FILIP1L: variants seen among roughly 807,000 people sequenced by gnomAD.
The protein encoded by FILIP1L is filamin A-interacting protein 1-like.
In FILIP1L, 55 loss-of-function variants were observed where a neutral mutation model predicts 96.6. That is an observed-to-expected ratio of 0.57 (90% CI 0.46 to 0.71). The LOEUF (loss-of-function observed/expected upper bound fraction) is 0.71. Among genes scored for constraint, FILIP1L ranks in the 30% least tolerant of loss-of-function variants. The pLI, the probability that FILIP1L is intolerant of heterozygous loss-of-function variation, is 0.00. For missense variants in FILIP1L, 1,304 were observed against 1,321.2 expected (o/e 0.99, Z 0.20); for synonymous variants, 467 against 473.9 (o/e 0.99, Z 0.19).
intron 1 of FILIP1L, among the ~76,000 whole-genome samples, chr3:99,947,098 A>T: frequency 7.1e-6 from 1 of 139,986 alleles, no homozygotes; most frequent in Non-Finnish European, 1.5e-5. Flanking sequence ...AGATTGTGCC[A>T]CTGCACTCCA....
At chr3:100,046,150 A>G (rs1469326454) in intron 1 of FILIP1L, among the ~76,000 whole-genome samples, 1 of 152,186 alleles carries the variant, frequency 6.6e-6, no homozygotes, top group Admixed American at 6.5e-5. Flanking sequence ...TCTCAATAAC[A>G]GGCTCATCAA....
rs765467102 is a variant in FILIP1L at position 99,850,974 on chromosome 3, C to G, written c.702G>C (p.Lys234Asn). The G allele has an allele frequency of 6.8e-6, 11 of 1,614,138 alleles. No individual in the cohort carries two copies. The highest frequency in any genetic ancestry group is 2.5e-6 in the Non-Finnish European group (3 of 1,180,020). The change falls in exon 5 of 6, where the codon AAG (lysine) becomes AAC (asparagine). Residue 234 changes from lysine to asparagine, a missense_variant. By Grantham distance (94) the Lys-to-Asn change is moderately conservative. Coordinates refer to ENST00000477258, the MANE Select transcript of FILIP1L (RefSeq NM_001387850.1). ...RVTTLKEELT[K>N]LKSFALMVVD... ...CCACCATCAAAGCAAAAGACTTCAGCTTGGTCAGCTCCTCTTTCAGGGTGG... is the reference window on the plus strand; with the variant it reads ...CCACCATCAAAGCAAAAGACTTCAGGTTGGTCAGCTCCTCTTTCAGGGTGG...
intron 4 of FILIP1L, among the ~76,000 whole-genome samples, chr3:99,889,982 C>T (rs1706032891): frequency 6.6e-6 from 1 of 151,878 alleles, no homozygotes; most frequent in African/African-American, 2.4e-5. Context: ...ACTTTCTTCG[C>T]CTCTTATTTC....
chr3:99,936,623 C>G (rs543361896), intron 1 of FILIP1L, among the ~76,000 whole-genome samples: 1 of 149,262 alleles, frequency 6.7e-6, no homozygotes, highest in Non-Finnish European at 1.5e-5. Flanking sequence ...CTGCCTGCCT[C>G]GGCCTCCCAA....
chr3:99,848,762 C>G lies in FILIP1L; in HGVS notation c.2914G>C (p.Gly972Arg). The change falls in exon 5 of 6, where the codon GGC becomes CGC. Residue 972 changes from glycine (G) to arginine (R), a missense_variant. Coordinates refer to ENST00000477258, the MANE Select transcript of FILIP1L (RefSeq NM_001387850.1). ...GTTGCCATGGTAATTGGGGACATGC[C>G]TTGTTCTAAATTCATGAGGTCTTCG... ...STEDLMNLEQ[G>R]MSPITMATFA... 1 of 1,614,142 alleles carries G rather than the reference C, an allele frequency of 6.2e-7. No homozygotes were observed. The highest frequency in any genetic ancestry group is 8.5e-7 in the Non-Finnish European group (1 of 1,180,028).
chr3:99,958,602 C>T (rs534804811), intron 1 of FILIP1L, among the ~76,000 whole-genome samples: 8 of 152,114 alleles, frequency 5.3e-5, no homozygotes, highest in Admixed American at 1.3e-4. Flanking sequence ...AATTAGACAA[C>T]ATTTCAGAAT....
chr3:99,849,711 T>G lies in FILIP1L; in HGVS notation c.1965A>C (p.Glu655Asp), dbSNP rs371416356. 6.2e-7 allele frequency: 1 copy of G among 1,613,676 alleles called. No homozygotes were observed. The highest frequency in any genetic ancestry group is 1.3e-5 in the African/African-American group (1 of 74,934). The change falls in exon 5 of 6, where the codon GAA (glutamate) becomes GAC (aspartate). Residue 655 changes from glutamate (E) to aspartate (D), a missense_variant. Transcript: ENST00000477258. ...IEDDLMKTED[E>D]YETLERRYAN... ...CATACCTTCGTTCTAGAGTCTCATA[T>G]TCATCTTCTGTTTTCATGAGGTCAT...
At chr3:100,104,093 T>G (rs2066354580) in intron 1 of FILIP1L, among the ~76,000 whole-genome samples, 1 of 152,166 alleles carries the variant, frequency 6.6e-6, no homozygotes, top group African/African-American at 2.4e-5. Flanking sequence ...TTCTCTGAAA[T>G]GAAGCCAACT....
intron 4 of FILIP1L, among the ~76,000 whole-genome samples, chr3:99,897,084 CA>C (rs1402535246): frequency 6.6e-6 from 1 of 152,122 alleles, no homozygotes; most frequent in Non-Finnish European, 1.5e-5. Flanking sequence ...TTTGGCCAAG[CA>C]TGGTGGCTCA....
At chr3:100,013,425 G>T (rs1459674108) in intron 1 of FILIP1L, among the ~76,000 whole-genome samples, 1 of 151,538 alleles carries the variant, frequency 6.6e-6, no homozygotes, top group East Asian at 1.9e-4. Context: ...TATATTTTTA[G>T]TAGAGACCGG....
chr3:99,887,050 T>A (rs1705924570), intron 4 of FILIP1L, among the ~76,000 whole-genome samples: 1 of 150,560 alleles, frequency 6.6e-6, no homozygotes, highest in Non-Finnish European at 1.5e-5. Flanking sequence ...GGTGGGTGGA[T>A]CACCTGAGAT....
At chr3:99,841,776 C>T (rs968218539) in intron 5 of FILIP1L, among the ~76,000 whole-genome samples, 6 of 152,116 alleles carry the variant, frequency 3.9e-5, no homozygotes, top group African/African-American at 1.4e-4. Flanking sequence ...ATCAAAACCA[C>T]AGTGCAATAC....
chr3:99,886,122 G>A (rs146876207), intron 4 of FILIP1L, among the ~76,000 whole-genome samples: 81 of 152,358 alleles, frequency 5.3e-4, no homozygotes, highest in African/African-American at 1.9e-3. Flanking sequence ...CGTGCACATG[G>A]ACGTGAGTGA....
Position 99,891,571 on chromosome 3 carries a change from T to G in FILIP1L, c.605+32659A>C, listed in dbSNP as rs565739692. On this transcript the variant is annotated intron_variant, in intron 4 of 5. Transcript: ENST00000477258. ...TTTAATATGTGTTGGATTTTTTGGG[T>G]TTTTTTTGTTTGTTTTGTTTTGTTG... 3.4e-4 allele frequency among the ~76,000 whole-genome samples: 51 copies of G among 150,088 alleles called. No homozygotes were observed. In the East Asian group the frequency reaches 6.8e-3, roughly 20 times the overall value.
intron 1 of FILIP1L, among the ~76,000 whole-genome samples, chr3:100,018,189 G>A (rs1576644823): frequency 2.6e-5 from 4 of 152,262 alleles, no homozygotes; most frequent in African/African-American, 7.2e-5. Context: ...AGCCGGGCGT[G>A]GTGGCATGTC....
intron 1 of FILIP1L, among the ~76,000 whole-genome samples, chr3:100,099,222 A>C (rs1559757098): frequency 6.6e-6 from 1 of 152,210 alleles, no homozygotes; most frequent in Non-Finnish European, 1.5e-5. Context: ...AATAGACTGA[A>C]TATTTATCAT....
chr3:100,002,494 C>G (rs577040254), intron 1 of FILIP1L, among the ~76,000 whole-genome samples: 1 of 152,302 alleles, frequency 6.6e-6, no homozygotes, highest in Admixed American at 6.5e-5. Flanking sequence ...AAGATTTGCA[C>G]ACAGGTACAC....
chr3:99,842,300 A>G (rs1036565682), intron 5 of FILIP1L, among the ~76,000 whole-genome samples: 31 of 152,174 alleles, frequency 2.0e-4, no homozygotes, highest in Non-Finnish European at 1.2e-4. Flanking sequence ...ACAGAGGCAT[A>G]AGAATGATAC....
chr3:100,082,043 C>T (rs1193089014), intron 1 of FILIP1L, among the ~76,000 whole-genome samples: 1 of 152,156 alleles, frequency 6.6e-6, no homozygotes, highest in African/African-American at 2.4e-5. Flanking sequence ...TATTCTCTCC[C>T]CATCTTCCAA....
Sources: gnomAD v4.1 joint callset for allele counts (sites outside exome capture counted in the v4.1 genomes callset) on GRCh38, gnomAD v4.1.1 for gene constraint, MANE v1.5 for transcripts, NCBI Gene and HGNC (gene_info 2026-07-23, HGNC 2026-07-21) for gene names.